Variants in RGL1 observed in about 807,000 individuals in gnomAD.
RGL1 encodes the protein ral guanine nucleotide dissociation stimulator-like 1.
Under a neutral mutation model 95.2 loss-of-function variants are expected in RGL1, and 24 were observed. The ratio of observed to expected loss-of-function variants is 0.25; its 90% CI spans 0.18 to 0.35. RGL1 has a LOEUF of 0.35. Among genes scored for constraint, RGL1 ranks in the 10% least tolerant of loss-of-function variants. The pLI is 1.00. For synonymous variants in RGL1, 329 were observed against 344.9 expected (o/e 0.95, Z 0.51); for missense variants, 715 against 936.3 (o/e 0.76, Z 3.08).
chr1:183,788,411 T>G (rs898768152), intron 2 of RGL1, among the ~76,000 whole-genome samples: 2 of 152,218 alleles, frequency 1.3e-5, no homozygotes, highest in East Asian at 3.8e-4. Context: ...TTAGATGATA[T>G]CCACTTCCAT....
intron 2 of RGL1, among the ~76,000 whole-genome samples, chr1:183,809,664 G>C (rs1322488437): frequency 1.3e-5 from 2 of 152,160 alleles, no homozygotes; most frequent in Admixed American, 1.3e-4. Flanking sequence ...GCAATTCCGA[G>C]CCTAGCACAG....
chr1:183,782,189 A>T (rs1659937459), intron 2 of RGL1, among the ~76,000 whole-genome samples: 1 of 152,224 alleles, frequency 6.6e-6, no homozygotes, highest in South Asian at 2.1e-4. Context: ...TGCCACAAAG[A>T]TACCAGGGCT....
At chr1:183,721,130 A>G (rs1228840726) in intron 1 of RGL1, among the ~76,000 whole-genome samples, 4 of 152,190 alleles carry the variant, frequency 2.6e-5, no homozygotes, top group African/African-American at 9.7e-5. Context: ...CCAACCAATT[A>G]TTGAACATAT....
chr1:183,895,880 G>C (rs1667669964), intron 9 of RGL1, among the ~76,000 whole-genome samples: 1 of 152,172 alleles, frequency 6.6e-6, no homozygotes, highest in African/African-American at 2.4e-5. Flanking sequence ...AAGTCTTGTA[G>C]CTCCCCATCT....
chr1:183,902,551 A>G lies in RGL1; in HGVS notation c.1318-17A>G, dbSNP rs751206429. The G allele has an allele frequency of 6.2e-7, 1 of 1,603,464 alleles. No individual in the cohort carries two copies. Among genetic ancestry groups the G allele is most frequent in the Non-Finnish European group, 8.5e-7 (1 of 1,176,096 alleles). The stretch of plus-strand genomic sequence containing the variant: ...AGTAGCTTGGTTGCTCACTCTTTTT[A>G]TTAAAATTTCTTTTAGGGTGGACTG... On this transcript the variant is annotated splice_polypyrimidine_tract_variant and intron_variant, in intron 11 of 17. Transcript: ENST00000360851.
chr1:183,732,981 G>A (rs1189202973), intron 1 of RGL1, among the ~76,000 whole-genome samples: 6 of 152,120 alleles, frequency 3.9e-5, no homozygotes, highest in Admixed American at 2.6e-4. Context: ...AAAATAATGC[G>A]AGGGTTTCAT....
At chr1:183,829,404 G>C (rs979683125) in intron 2 of RGL1, among the ~76,000 whole-genome samples, 4 of 150,414 alleles carry the variant, frequency 2.7e-5, no homozygotes, top group African/African-American at 9.8e-5. Context: ...TCATGCTACT[G>C]CACTCCAGCC....
At chr1:183,680,693 G>GT (rs1558150168) in intron 1 of RGL1, among the ~76,000 whole-genome samples, 5 of 152,176 alleles carry the variant, frequency 3.3e-5, no homozygotes, top group East Asian at 1.9e-4. Context: ...ATTTAAAGTA[G>GT]TTTTTTTCTG....
At chr1:183,660,827 T>G (rs1651564068) in intron 1 of RGL1, among the ~76,000 whole-genome samples, 1 of 151,990 alleles carries the variant, frequency 6.6e-6, no homozygotes, top group Non-Finnish European at 1.5e-5. Context: ...CCTCAGCAAA[T>G]GTAAAAGATC....
chr1:183,799,788 C>T (rs972344220), intron 2 of RGL1, among the ~76,000 whole-genome samples: 1 of 152,114 alleles, frequency 6.6e-6, no homozygotes, highest in African/African-American at 2.4e-5. Flanking sequence ...TTTCACTGTC[C>T]TTACTTTTCT....
intron 7 of RGL1, among the ~76,000 whole-genome samples, chr1:183,888,169 A>G (rs1357459809): frequency 6.6e-6 from 1 of 152,206 alleles, no homozygotes; most frequent in Non-Finnish European, 1.5e-5. Flanking sequence ...TCTTTCTAGC[A>G]TAGCTCTGTA....
chr1:183,898,674 CA>C (rs2102690431), intron 10 of RGL1, among the ~76,000 whole-genome samples: 2 of 152,322 alleles, frequency 1.3e-5, no homozygotes, highest in South Asian at 4.2e-4. Context: ...CACAGTGTTA[CA>C]AACTTTTTTG....
At chr1:183,701,468 G>GACACCT (rs1049818429) in intron 1 of RGL1, among the ~76,000 whole-genome samples, 11 of 152,064 alleles carry the variant, frequency 7.2e-5, no homozygotes, top group African/African-American at 2.4e-4. Context: ...AGAGGTGTAT[G>GACACCT]GTCTATCAAG....
chr1:183,795,097 G>A (rs2102388233), intron 2 of RGL1, among the ~76,000 whole-genome samples: 1 of 152,182 alleles, frequency 6.6e-6, no homozygotes, highest in African/African-American at 2.4e-5. Context: ...TTGAATTCCT[G>A]GGCTCAAGTG....
chr1:183,818,011 A>G (rs550360506), intron 2 of RGL1, among the ~76,000 whole-genome samples: 24 of 152,194 alleles, frequency 1.6e-4, no homozygotes, highest in Admixed American at 3.3e-4. Flanking sequence ...GGATTATGAT[A>G]TTCTTTACAG....
At chr1:183,673,334 T>G (rs946775802) in intron 1 of RGL1, among the ~76,000 whole-genome samples, 9 of 152,234 alleles carry the variant, frequency 5.9e-5, no homozygotes, top group African/African-American at 2.2e-4. Flanking sequence ...AACTCATGTT[T>G]GGGGAACCTT....
At chr1:183,806,248 A>T (rs1661326980) in intron 1 of RGL1, 127 bp from the exon 2 acceptor site, 1 of 644,434 alleles carries the variant, frequency 1.6e-6, no homozygotes, top group Non-Finnish European at 2.7e-6. Flanking sequence ...GGATTGTAAT[A>T]TTTATTTTGA....
At chr1:183,882,945 C>T (rs1666907415) in intron 5 of RGL1, among the ~76,000 whole-genome samples, 2 of 152,120 alleles carry the variant, frequency 1.3e-5, no homozygotes, top group Admixed American at 6.5e-5. Context: ...TCCTTGAGAA[C>T]AGGTTTGACA....
In RGL1 at chr1:183,926,387, A is replaced by T. The variant is rs901327577; in HGVS notation, c.*95A>T. On this transcript the variant is annotated 3_prime_UTR_variant, in exon 18 of 18. Transcript: ENST00000360851. ...AATTACCATCCGGTGTTCGAGGATC[A>T]TTGGTGAAGTCAGCAGATATTTATT... is the stretch of plus-strand genomic sequence containing the variant. 9.7e-7 allele frequency: 1 copy of T among 1,033,402 alleles called. No individual in the cohort carries two copies. Among genetic ancestry groups the T allele is most frequent in the African/African-American group, 1.6e-5 (1 of 61,774 alleles). The allele number at this position is 1,033,402 out of a possible 1,614,324, so 64.0% of individuals were successfully genotyped here.
Sources: gnomAD v4.1 joint callset for allele counts (sites outside exome capture counted in the v4.1 genomes callset) on GRCh38, gnomAD v4.1.1 for gene constraint, MANE v1.5 for transcripts, NCBI Gene and HGNC (gene_info 2026-07-23, HGNC 2026-07-21) for gene names.